BRMS1L: variants seen among roughly 807,000 people sequenced by gnomAD.
BRMS1L encodes the protein breast cancer metastasis-suppressor 1-like protein.
BRMS1L carries 23 observed loss-of-function variants against 50.3 expected under a neutral mutation model. That is an observed-to-expected ratio of 0.46 (90% confidence interval 0.33 to 0.65). The LOEUF is 0.65. BRMS1L is among the 30% of genes least tolerant of loss of function. The pLI is 0.02. For synonymous variants in BRMS1L, 114 were observed against 126.9 expected, an observed-to-expected ratio of 0.90 and a Z score of 0.69; for missense variants, 286 against 386.1, an observed-to-expected ratio of 0.74 and a Z score of 2.17.
chr14:35,853,451 G>T (rs1397749576), intron 4 of BRMS1L, among the ~76,000 whole-genome samples: 2 of 151,972 alleles, frequency 1.3e-5, no homozygotes, highest in African/African-American at 4.8e-5. Flanking sequence ...GGGTCTCATT[G>T]TCTCTCAGCT....
At chr14:35,864,518 T>A (rs1469925557) in intron 6 of BRMS1L, among the ~76,000 whole-genome samples, 1 of 152,218 alleles carries the variant, frequency 6.6e-6, no homozygotes, top group Non-Finnish European at 1.5e-5. Flanking sequence ...CCTCCCAAAG[T>A]GCTAGGATTG....
At chr14:35,868,079 C>T in intron 9 of BRMS1L, 47 bp downstream of exon 9, 1 of 1,527,470 alleles carries the variant, frequency 6.5e-7, no homozygotes, top group Non-Finnish European at 8.7e-7. Context: ...TTGTCATTTA[C>T]AACATCGTTG....
At chr14:35,827,262 A>C (rs1301377015) in intron 1 of BRMS1L, among the ~76,000 whole-genome samples, 2 of 152,102 alleles carry the variant, frequency 1.3e-5, no homozygotes, top group Admixed American at 1.3e-4. Context: ...CAGCGTTGAA[A>C]ATTCTCCAAG....
chr14:35,856,266 A>G (rs1402272788), intron 4 of BRMS1L, among the ~76,000 whole-genome samples: 1 of 152,206 alleles, frequency 6.6e-6, no homozygotes, highest in East Asian at 1.9e-4. Flanking sequence ...AGGAAATCAC[A>G]TGTATAGAAT....
intron 4 of BRMS1L, among the ~76,000 whole-genome samples, chr14:35,841,142 TC>T (rs1566416909): frequency 1.3e-5 from 2 of 152,136 alleles, no homozygotes; most frequent in African/African-American, 4.8e-5. Context: ...TTGTACAGTT[TC>T]CATGTAGTTG....
intron 4 of BRMS1L, among the ~76,000 whole-genome samples, chr14:35,840,738 T>C (rs2078052547): frequency 6.6e-6 from 1 of 152,200 alleles, no homozygotes; most frequent in African/African-American, 2.4e-5. Context: ...TTTTTTGTTC[T>C]ATTTGATCCT....
At chr14:35,834,215 G>C (rs867588124) in intron 3 of BRMS1L, among the ~76,000 whole-genome samples, 1 of 152,054 alleles carries the variant, frequency 6.6e-6, no homozygotes, top group African/African-American at 2.4e-5. Context: ...AGCTCTTTGC[G>C]TGCCGTTTTT....
At chr14:35,865,039 A>C in intron 7 of BRMS1L, 40 bp downstream of exon 7, 4 of 1,371,168 alleles carry the variant, frequency 2.9e-6, no homozygotes, top group Non-Finnish European at 9.9e-7. Flanking sequence ...ATGTTTTTAT[A>C]GTCTACTTTT....
chr14:35,838,141 G>A (rs896389188), intron 4 of BRMS1L, among the ~76,000 whole-genome samples: 7 of 152,128 alleles, frequency 4.6e-5, no homozygotes, highest in Non-Finnish European at 5.9e-5. Context: ...TTCTGTTTCT[G>A]TGTTAGTTTG....
intron 4 of BRMS1L, among the ~76,000 whole-genome samples, chr14:35,844,161 T>G (rs1297313881): frequency 6.6e-6 from 1 of 152,188 alleles, no homozygotes; most frequent in Non-Finnish European, 1.5e-5. Context: ...ACCACTTGGC[T>G]CCATGGCTTC....
chr14:35,841,197 T>C (rs919801691), intron 4 of BRMS1L, among the ~76,000 whole-genome samples: 3 of 152,234 alleles, frequency 2.0e-5, no homozygotes, highest in African/African-American at 7.2e-5. Context: ...CTAATTTAGC[T>C]GCACTGTGGT....
intron 6 of BRMS1L, among the ~76,000 whole-genome samples, chr14:35,864,296 G>C (rs2078392484): frequency 2.0e-5 from 3 of 151,894 alleles, no homozygotes; most frequent in African/African-American, 7.3e-5. Flanking sequence ...GGGTCTCACT[G>C]TGCCACCTAG....
Position 35,868,660 on chromosome 14 carries a change from TA to T in BRMS1L, c.854+629del, listed in dbSNP as rs771220133. 3.0e-4 allele frequency among the ~76,000 whole-genome samples: 45 copies of T among 152,228 alleles called. 1 individual carries two copies. The Middle Eastern group carries it at 0.02, about 69-fold the overall frequency. On this transcript the variant is annotated intron_variant, in intron 9 of 9. Coordinates refer to ENST00000216807, the MANE Select transcript of BRMS1L (RefSeq NM_032352.4). ...AGCCAGGTGTGGAGGTGTGTGCTTATAGTCCTAGCTGCTTGGGCAGGAGGAT... is the reference window on the plus strand; with the variant it reads ...AGCCAGGTGTGGAGGTGTGTGCTTATGTCCTAGCTGCTTGGGCAGGAGGAT...
chr14:35,827,854 G>A (rs1362383070), intron 1 of BRMS1L, among the ~76,000 whole-genome samples: 1 of 152,170 alleles, frequency 6.6e-6, no homozygotes, highest in Non-Finnish European at 1.5e-5. Context: ...TGAAGAATGA[G>A]TAGAATTTGG....
At chr14:35,853,954 C>T (rs1241466470) in intron 4 of BRMS1L, among the ~76,000 whole-genome samples, 2 of 152,094 alleles carry the variant, frequency 1.3e-5, no homozygotes, top group Non-Finnish European at 2.9e-5. Context: ...TTAATAGAAT[C>T]TAAAAATTAT....
At chr14:35,864,061 G>C in intron 6 of BRMS1L, 108 bp downstream of exon 6, 2 of 814,798 alleles carry the variant, frequency 2.5e-6, no homozygotes, top group Non-Finnish European at 4.0e-6. Context: ...GCATGATCCT[G>C]TAATAAGCAA....
intron 9 of BRMS1L, 145 bp downstream of exon 9, chr14:35,868,177 A>C: frequency 1.4e-6 from 1 of 690,502 alleles, no homozygotes; most frequent in African/African-American, 1.8e-5. Flanking sequence ...GCTTGATTAC[A>C]TGTGTGTACA....
At position 35,833,063 on chromosome 14, in the gene BRMS1L, G is replaced by T. The variant is rs768355530; in HGVS notation, c.319G>T (p.Ala107Ser). ...AGCACCAGAATACTTGGAACCGCTG[G>T]CAACTTTACAGGAAAATATGCAAAT... Reference protein sequence around the residue: ...GKAPEYLEPLATLQENMQIRT... With the variant: ...GKAPEYLEPLSTLQENMQIRT... Residue 107 changes from alanine (A) to serine (S), a missense_variant, in exon 3 of 10, where the codon GCA becomes TCA. Physicochemically the swap from Ala to Ser is moderately conservative, Grantham distance 99 (BLOSUM62 1). Coordinates refer to ENST00000216807, the MANE Select transcript of BRMS1L (RefSeq NM_032352.4). 35 of 1,613,312 alleles carry T rather than the reference G, an allele frequency of 2.2e-5. No homozygotes were observed. Among genetic ancestry groups the T allele is most frequent in the Non-Finnish European group, 3.0e-5 (35 of 1,179,556 alleles).
At position 35,826,468 on chromosome 14, in the gene BRMS1L, G is replaced by C; in HGVS notation, c.-49G>C. On this transcript the variant is annotated 5_prime_UTR_variant, in exon 1 of 10. Transcript: ENST00000216807. ...TCCGCGCGCCCTTCATTGAAGCGGCGGTGGCCGGGCTGGGCGCCGGTAGTG... is the reference window on the plus strand; with the variant it reads ...TCCGCGCGCCCTTCATTGAAGCGGCCGTGGCCGGGCTGGGCGCCGGTAGTG... The C allele has an allele frequency of 6.4e-7, 1 of 1,552,676 alleles. No individual in the cohort carries two copies.
Sources: allele counts gnomAD v4.1 joint callset (sites outside exome capture counted in the v4.1 genomes callset), GRCh38; gene constraint gnomAD v4.1.1; transcripts MANE v1.5; gene names NCBI Gene and HGNC (gene_info 2026-07-23, HGNC 2026-07-21).